The following RGS20 variants were observed in gnomAD, a reference collection of about 807,000 sequenced individuals.
The protein encoded by RGS20 is regulator of G protein signaling 20.
A neutral mutation model predicts 33.6 loss-of-function variants in RGS20; 30 were observed. That is an observed-to-expected ratio of 0.89 (90% CI 0.67 to 1.21). RGS20 has a LOEUF of 1.21. Among genes scored for constraint, RGS20 ranks in the 50% most tolerant of loss-of-function variants. The pLI is 0.00. For synonymous variants in RGS20, 208 were observed against 197.9 expected, an observed-to-expected ratio of 1.05 and a Z score of -0.43; for missense variants, 472 against 502.4, an observed-to-expected ratio of 0.94 and a Z score of 0.58.
intron 4 of RGS20, among the ~76,000 whole-genome samples, 173 bp downstream of exon 3, chr8:53,946,921 G>C (rs900146622): frequency 6.6e-6 from 1 of 151,640 alleles, no homozygotes; most frequent in Non-Finnish European, 1.5e-5. Flanking sequence ...TTAATTCATC[G>C]TGTGACAGGG....
intron 2 of RGS20, among the ~76,000 whole-genome samples, chr8:53,932,319 C>T (rs1264305164): frequency 6.6e-6 from 1 of 152,156 alleles, no homozygotes; most frequent in Non-Finnish European, 1.5e-5. Flanking sequence ...GCCAGGGAGC[C>T]ATGGTCTAGC....
At chr8:53,855,670 C>A (rs1268608299) in intron 1 of RGS20, among the ~76,000 whole-genome samples, 1 of 152,170 alleles carries the variant, frequency 6.6e-6, no homozygotes, top group Non-Finnish European at 1.5e-5. Context: ...GTTATGCAGT[C>A]TCTATTGAGG....
intron 2 of RGS20, among the ~76,000 whole-genome samples, chr8:53,915,753 G>A (rs937939074): frequency 2.0e-5 from 3 of 152,130 alleles, no homozygotes; most frequent in East Asian, 1.9e-4. Flanking sequence ...GCTGGTGCCC[G>A]AGTTTCTTTC....
chr8:53,928,706 C>T (rs1034799417), intron 2 of RGS20, among the ~76,000 whole-genome samples: 8 of 151,966 alleles, frequency 5.3e-5, no homozygotes, highest in Non-Finnish European at 1.0e-4. Flanking sequence ...GCCTGTAATC[C>T]TAGCTACTCG....
chr8:53,881,156 G>A (rs1181971115), intron 2 of RGS20, 72 bp downstream of exon 1: 31 of 1,202,008 alleles, frequency 2.6e-5, no homozygotes, highest in Non-Finnish European at 3.3e-5. Context: ...CTGGAAAGTG[G>A]CCGAGGCTGG....
At chr8:53,874,318 GA>G (rs1180862123) in intron 1 of RGS20, among the ~76,000 whole-genome samples, 1 of 152,106 alleles carries the variant, frequency 6.6e-6, no homozygotes, top group Non-Finnish European at 1.5e-5. Context: ...AAAGATCAGT[GA>G]AAGGTGTGCA....
chr8:53,887,110 T>C (rs553040710), intron 2 of RGS20: 17 of 165,026 alleles, frequency 1.0e-4, no homozygotes, highest in Middle Eastern at 3.2e-3. Flanking sequence ...CGCATTCATC[T>C]GAAGGGCACT....
At chr8:53,891,327 T>C (rs995676696) in intron 2 of RGS20, among the ~76,000 whole-genome samples, 6 of 152,198 alleles carry the variant, frequency 3.9e-5, no homozygotes, top group Admixed American at 3.9e-4. Flanking sequence ...TGCATAAGAA[T>C]AGTGATTTGG....
intron 3 of RGS20, among the ~76,000 whole-genome samples, chr8:53,940,519 T>G (rs890031376): frequency 1.3e-5 from 2 of 152,156 alleles, no homozygotes; most frequent in Non-Finnish European, 2.9e-5. Context: ...GAAGAAAAAC[T>G]GATAATGGAC....
At position 53,921,911 on chromosome 8, in the gene RGS20, C is replaced by T. The variant is rs563228476; in HGVS notation, c.511-17665C>T. ...TTTTAAATCTGTTGAGGCTGTTTTACGGCCTATTATATGGTCTATTCTGGA... is the reference window on the plus strand; with the variant it reads ...TTTTAAATCTGTTGAGGCTGTTTTATGGCCTATTATATGGTCTATTCTGGA... On this transcript the variant is annotated intron_variant, in intron 2 of 5. Coordinates refer to ENST00000297313, the MANE Select transcript of RGS20 (RefSeq NM_170587.4). Among the ~76,000 whole-genome samples the T allele has an allele frequency of 1.6e-4, 24 of 151,976 alleles. No homozygotes were observed. In the South Asian group the frequency reaches 2.3e-3, roughly 14 times the overall value.
At chr8:53,949,318 A>ATTTATATATAC (rs1392053590) in intron 4 of RGS20, among the ~76,000 whole-genome samples, 5 of 147,992 alleles carry the variant, frequency 3.4e-5, no homozygotes, top group East Asian at 1.9e-4. Context: ...TACAGTATAT[A>ATTTATATATAC]TATTTATTGG....
intron 2 of RGS20, among the ~76,000 whole-genome samples, chr8:53,904,492 A>G (rs1241867693): frequency 2.0e-5 from 3 of 152,162 alleles, no homozygotes; most frequent in African/African-American, 7.2e-5. Context: ...GTTTTTTTCT[A>G]TAATTTGCAA....
At chr8:53,908,976 T>C (rs926925252) in intron 2 of RGS20, among the ~76,000 whole-genome samples, 1 of 151,886 alleles carries the variant, frequency 6.6e-6, no homozygotes, top group Non-Finnish European at 1.5e-5. Flanking sequence ...CATGTTATTC[T>C]TTTTAAAAAT....
At position 53,867,428 on chromosome 8, in the gene RGS20, C is replaced by T. The variant is rs142908988; in HGVS notation, c.166-11830C>T. On this transcript the variant is annotated intron_variant, in intron 1 of 5. Transcript: ENST00000297313. The stretch of plus-strand genomic sequence containing the variant: ...CAAAAAACCTTAGGATGAAATATGA[C>T]AGTATGAACCTTGTTGACTTGTTTT... Among the ~76,000 whole-genome samples the T allele has an allele frequency of 9.5e-3, 1,440 of 152,232 alleles. 18 individuals are homozygous for T. The highest frequency in any genetic ancestry group is 0.032 in the African/African-American group (1,334 of 41,534).
chr8:53,948,453 CTA>C (rs1814605586), intron 4 of RGS20, among the ~76,000 whole-genome samples: 3 of 122,332 alleles, frequency 2.5e-5, no homozygotes, highest in Non-Finnish European at 5.1e-5. Flanking sequence ...TTTACATATG[CTA>C]TATATGATAC....
At chr8:53,859,527 C>T (rs1415045048) in intron 1 of RGS20, among the ~76,000 whole-genome samples, 3 of 152,120 alleles carry the variant, frequency 2.0e-5, no homozygotes, top group Admixed American at 1.3e-4. Context: ...TCAAGCCAGT[C>T]TTCACAAAGC....
intron 3 of RGS20, among the ~76,000 whole-genome samples, chr8:53,941,833 G>GT (rs572642253): frequency 8.9e-4 from 136 of 152,276 alleles, no homozygotes; most frequent in Non-Finnish European, 1.6e-3. Context: ...GACTTTCTCA[G>GT]TTTTAGCACT....
At chr8:53,934,454 A>G (rs1464661687) in intron 2 of RGS20, among the ~76,000 whole-genome samples, 1 of 152,242 alleles carries the variant, frequency 6.6e-6, no homozygotes, top group Non-Finnish European at 1.5e-5. Flanking sequence ...AAGCGTTGCA[A>G]TCCTAGTCTC....
intron 2 of RGS20, among the ~76,000 whole-genome samples, chr8:53,919,367 A>C (rs1813582019): frequency 6.8e-6 from 1 of 147,484 alleles, no homozygotes; most frequent in African/African-American, 2.5e-5. Context: ...TTTTTGAGAC[A>C]GTCTTGCTCT....
Sources: allele counts gnomAD v4.1 joint callset (sites outside exome capture counted in the v4.1 genomes callset), GRCh38; gene constraint gnomAD v4.1.1; transcripts MANE v1.5; gene names NCBI Gene and HGNC (gene_info 2026-07-23, HGNC 2026-07-21).